The following CAMK2B variants were observed in gnomAD, a reference collection of about 807,000 sequenced individuals.
The protein encoded by CAMK2B is calcium/calmodulin-dependent protein kinase type II subunit beta.
Under a neutral mutation model 93.7 loss-of-function variants are expected in CAMK2B, and 27 were observed. The ratio of observed to expected loss-of-function variants is 0.29; its 90% CI spans 0.21 to 0.40. The LOEUF (loss-of-function observed/expected upper bound fraction) is 0.40. Among genes scored for constraint, CAMK2B ranks in the 10% least tolerant of loss-of-function variants. CAMK2B has a pLI of 1.00. For missense variants in CAMK2B, 568 were observed against 895.8 expected (o/e 0.63, Z 4.67); for synonymous variants, 374 against 358.8 (o/e 1.04, Z -0.48).
chr7:44,311,978 G>A lies in CAMK2B; in HGVS notation c.65+13379C>T, dbSNP rs918931638. On this transcript the variant is annotated intron_variant, in intron 1 of 23. Coordinates refer to ENST00000395749, the MANE Select transcript of CAMK2B (RefSeq NM_001220.5). This position sits in a 1 kb window ranked among gnomAD's most constrained non-coding sequence, Gnocchi z 4.2. ...AGGCCCATCCTCACCACGGAGTCAC[G>A]CCTGCTGGAGACTTTCCTCGCCACA... 3.3e-5 allele frequency among the ~76,000 whole-genome samples: 5 copies of A among 152,188 alleles called. No individual in the cohort carries two copies. The highest frequency in any genetic ancestry group is 5.9e-5 in the Non-Finnish European group (4 of 68,040).
rs1797343583 is a variant in CAMK2B, at chr7:44,325,567, C to A, written c.-146G>T. On this transcript the variant is annotated 5_prime_UTR_variant, in exon 1 of 24. Coordinates refer to ENST00000395749, the MANE Select transcript of CAMK2B (RefSeq NM_001220.5). ...GCCAGGCGGGGGCCGGGCTGGGCTGCGCCGGGCGGCGAGCGCACGCGAGAT... is the reference window on the plus strand; with the variant it reads ...GCCAGGCGGGGGCCGGGCTGGGCTGAGCCGGGCGGCGAGCGCACGCGAGAT... The A allele has an allele frequency of 3.9e-6, 1 of 255,630 alleles. No homozygotes were observed. Among genetic ancestry groups the A allele is most frequent in the Non-Finnish European group, 6.0e-6 (1 of 165,596 alleles). 15.8% of individuals were successfully genotyped at this position (255,630 alleles called of 1,614,324 possible). A position where few individuals can be genotyped will look rare whatever the true frequency, so the allele number is the denominator to read the frequency against.
chr7:44,243,693 C>T (rs146437728), intron 6 of CAMK2B, among the ~76,000 whole-genome samples, 166 bp from the exon 7 acceptor site: 142 of 152,242 alleles, frequency 9.3e-4, no homozygotes, highest in African/African-American at 3.1e-3. Flanking sequence ...TGAGCCTTCA[C>T]CCCAGAGTCC....
intron 15 of CAMK2B, among the ~76,000 whole-genome samples, chr7:44,233,717 C>G (rs567260448): frequency 1.3e-5 from 2 of 152,308 alleles, no homozygotes; most frequent in South Asian, 4.1e-4. Flanking sequence ...GCAAGGGGCA[C>G]TGAGGGGCGC....
At chr7:44,251,932 T>C (rs1283751034) in intron 5 of CAMK2B, among the ~76,000 whole-genome samples, 1 of 152,080 alleles carries the variant, frequency 6.6e-6, no homozygotes, top group African/African-American at 2.4e-5. Flanking sequence ...GCTCCAGACC[T>C]CGCCAGGCCA....
At chr7:44,231,243 G>A (rs939040480) in intron 16 of CAMK2B, among the ~76,000 whole-genome samples, 189 bp from the exon 17 acceptor site, 2 of 152,194 alleles carry the variant, frequency 1.3e-5, no homozygotes, top group African/African-American at 4.8e-5. Context: ...CGGCTGCAGG[G>A]CCCCAGCTCT....
intron 2 of CAMK2B, among the ~76,000 whole-genome samples, chr7:44,273,428 T>C (rs990396704): frequency 6.6e-6 from 1 of 152,042 alleles, no homozygotes; most frequent in Non-Finnish European, 1.5e-5. Flanking sequence ...TAGGAGGAGA[T>C]TTAAACCAAG....
At chr7:44,304,262 G>T (rs1790849790) in intron 1 of CAMK2B, among the ~76,000 whole-genome samples, 1 of 152,192 alleles carries the variant, frequency 6.6e-6, no homozygotes, top group Admixed American at 6.5e-5. Flanking sequence ...CAAATACATT[G>T]AAAACTTATG....
chr7:44,250,615 C>T (rs187593334), intron 5 of CAMK2B, among the ~76,000 whole-genome samples: 52 of 151,670 alleles, frequency 3.4e-4, no homozygotes, highest in Admixed American at 1.9e-3. Context: ...CTGCAACCTC[C>T]GCCTCCCGGG....
intron 4 of CAMK2B, among the ~76,000 whole-genome samples, chr7:44,256,558 A>G (rs2096835992): frequency 6.6e-6 from 1 of 152,262 alleles, no homozygotes; most frequent in South Asian, 2.1e-4. Flanking sequence ...TGCATTGGGC[A>G]GGAGGATCAA....
chr7:44,229,709 C>A (rs979889928), intron 17 of CAMK2B: 14 of 457,158 alleles, frequency 3.1e-5, no homozygotes, highest in Non-Finnish European at 5.4e-5. Context: ...GGAGCCAACA[C>A]GGGACCGGTG....
At position 44,228,830 on chromosome 7, in the gene CAMK2B, C is replaced by A. The variant is rs779136769; in HGVS notation, c.1434G>T (p.Leu478=). ...GPLSAGPPPC[L]SPALLGPLSS... is the part of the protein sequence containing the mutation. ...ACAGGGGGCCTAGGAGAGCCGGAGA[C>A]AGGCAGGGCGGGGGCCCCGCTGAGA... Residue 478 remains leucine, a synonymous_variant, in exon 19 of 24, where the codon CTG becomes CTT. Transcript: ENST00000395749. The A allele has an allele frequency of 2.0e-5, 30 of 1,532,138 alleles. No individual in the cohort carries two copies. The South Asian group carries it at 3.7e-4, about 19-fold the overall frequency. 94.9% of individuals were successfully genotyped at this position (1,532,138 alleles called of 1,614,324 possible). A position where few individuals can be genotyped will look rare whatever the true frequency, so the allele number is the denominator to read the frequency against.
At chr7:44,254,459 A>G (rs1202684084) in intron 5 of CAMK2B, 83 bp downstream of exon 5, 8 of 1,015,050 alleles carry the variant, frequency 7.9e-6, no homozygotes, top group Admixed American at 1.7e-5. Context: ...CGTGGGTTAG[A>G]AAGAGCAGCA....
chr7:44,259,202 G>T (rs555313844), intron 3 of CAMK2B, among the ~76,000 whole-genome samples: 3 of 152,196 alleles, frequency 2.0e-5, no homozygotes. Flanking sequence ...CTGCCAGTCT[G>T]GTCACCTGTC....
intron 1 of CAMK2B, among the ~76,000 whole-genome samples, chr7:44,323,179 C>G (rs1796574740): frequency 1.3e-5 from 2 of 152,248 alleles, no homozygotes; most frequent in Admixed American, 1.3e-4. Context: ...CTTGGCGTCG[C>G]CAGGGACCCG....
At chr7:44,249,453 G>A (rs773545110) in intron 5 of CAMK2B, among the ~76,000 whole-genome samples, 1 of 152,198 alleles carries the variant, frequency 6.6e-6, no homozygotes, top group East Asian at 1.9e-4. Flanking sequence ...GCACTGCTGC[G>A]TGGTGTGGAC....
At chr7:44,246,785 G>A (rs918247596) in intron 6 of CAMK2B, among the ~76,000 whole-genome samples, 3 of 151,814 alleles carry the variant, frequency 2.0e-5, no homozygotes, top group Non-Finnish European at 2.9e-5. Flanking sequence ...ATGTACACAC[G>A]AACCTCCATG....
chr7:44,309,774 C>G lies in CAMK2B; in HGVS notation c.65+15583G>C, dbSNP rs73099815. On this transcript the variant is annotated intron_variant, in intron 1 of 23. Coordinates refer to ENST00000395749, the MANE Select transcript of CAMK2B (RefSeq NM_001220.5). Reference sequence around the variant, plus strand: ...CCAAAAGCCAGAGACACCAGCCCATCGGAAGAAACTGGGGACGAGAGAGAT... The same window carrying G: ...CCAAAAGCCAGAGACACCAGCCCATGGGAAGAAACTGGGGACGAGAGAGAT... Among the ~76,000 whole-genome samples the G allele has an allele frequency of 6.1e-3, 926 of 152,378 alleles. 5 individuals are homozygous for G. Among genetic ancestry groups the G allele is most frequent in the Middle Eastern group, 0.017 (5 of 294 alleles).
intron 1 of CAMK2B, among the ~76,000 whole-genome samples, chr7:44,307,428 G>C (rs1792201844): frequency 6.8e-6 from 1 of 146,832 alleles, no homozygotes; most frequent in African/African-American, 2.5e-5. Context: ...GTGTGATCAG[G>C]GGGAGGAGGG....
intron 1 of CAMK2B, among the ~76,000 whole-genome samples, chr7:44,302,993 A>T (rs538404218): frequency 3.9e-5 from 6 of 152,194 alleles, no homozygotes; most frequent in Non-Finnish European, 8.8e-5. Flanking sequence ...TGATATGCCT[A>T]TATAGAAAAC....
Sources: gnomAD v4.1 joint callset for allele counts (sites outside exome capture counted in the v4.1 genomes callset) on GRCh38, gnomAD v4.1.1 for gene constraint, Gnocchi (gnomAD v3.1) non-coding constraint, MANE v1.5 for transcripts, NCBI Gene and HGNC (gene_info 2026-07-23, HGNC 2026-07-21) for gene names.